Variants in PRKCB observed in about 807,000 individuals in gnomAD.
The protein encoded by PRKCB is protein kinase C beta, also known as protein kinase C beta type.
A neutral mutation model predicts 81.5 loss-of-function variants in PRKCB; 13 were observed. The observed-to-expected ratio is 0.16, with a 90% CI of 0.10 to 0.25. The LOEUF (loss-of-function observed/expected upper bound fraction) is 0.25, where lower values mean the gene tolerates loss of function less well. Ranked by LOEUF, PRKCB falls within the 10% of genes least tolerant of loss-of-function variation. PRKCB has a pLI of 1.00. For missense variants in PRKCB, 509 were observed against 875.7 expected (o/e 0.58, Z 5.29); for synonymous variants, 335 against 321.4 (o/e 1.04, Z -0.45).
intron 3 of PRKCB, among the ~76,000 whole-genome samples, chr16:24,024,367 A>G (rs1003895271): frequency 6.6e-6 from 1 of 152,172 alleles, no homozygotes; most frequent in African/African-American, 2.4e-5. Flanking sequence ...AAAGAGTACA[A>G]TGTTTCGGAT....
chr16:24,035,001 C>T (rs1170523041), intron 4 of PRKCB, among the ~76,000 whole-genome samples: 1 of 152,222 alleles, frequency 6.6e-6, no homozygotes, highest in African/African-American at 2.4e-5. Context: ...GAGATTCCTG[C>T]ATACGTTGAG....
chr16:24,081,402 A>G (rs777076067), intron 5 of PRKCB, among the ~76,000 whole-genome samples: 10 of 152,218 alleles, frequency 6.6e-5, no homozygotes, highest in African/African-American at 1.7e-4. Context: ...CACACTAGAA[A>G]TAGAAGGGAA....
intron 5 of PRKCB, among the ~76,000 whole-genome samples, chr16:24,082,731 T>C (rs953507528): frequency 6.6e-6 from 1 of 151,680 alleles, no homozygotes; most frequent in African/African-American, 2.4e-5. Flanking sequence ...TGGAGCAAAA[T>C]ATAAAGGTAT....
At chr16:24,147,000 C>G (rs1245180466) in intron 9 of PRKCB, among the ~76,000 whole-genome samples, 1 of 152,148 alleles carries the variant, frequency 6.6e-6, no homozygotes, top group Non-Finnish European at 1.5e-5. Flanking sequence ...CTCTTTTCCT[C>G]TCCCATGGCA....
At chr16:23,967,974 T>A (rs1266712629) in intron 2 of PRKCB, among the ~76,000 whole-genome samples, 3 of 152,178 alleles carry the variant, frequency 2.0e-5, no homozygotes, top group Non-Finnish European at 4.4e-5. Flanking sequence ...GTCTTTGAAG[T>A]GCTTGTTTAA....
At chr16:24,019,173 CT>C (rs562397722) in intron 3 of PRKCB, among the ~76,000 whole-genome samples, 340 of 134,316 alleles carry the variant, frequency 2.5e-3, no homozygotes, top group Admixed American at 3.2e-3. Context: ...TTTTTTTTTT[CT>C]TTTTTTTTTT....
Position 24,132,721 on chromosome 16 carries a change from T to TA in PRKCB, c.1065+8743dup, listed in dbSNP as rs905950686. 1.2e-3 allele frequency among the ~76,000 whole-genome samples: 175 copies of TA among 152,020 alleles called. 3 individuals are homozygous for TA. The highest frequency in any genetic ancestry group is 6.8e-3 in the Middle Eastern group (2 of 294). The stretch of plus-strand genomic sequence containing the variant: ...TAACTTGCTGAAGTCACACAGCTAG[T>TA]AAATGGCATTAAACAGATCAGCTTT... On this transcript the variant is annotated intron_variant, in intron 9 of 16. Coordinates refer to ENST00000643927, the MANE Select transcript of PRKCB (RefSeq NM_002738.7).
intron 5 of PRKCB, among the ~76,000 whole-genome samples, chr16:24,091,136 C>G (rs967019124): frequency 6.6e-6 from 1 of 152,016 alleles, no homozygotes; most frequent in Admixed American, 6.6e-5. Context: ...TTGTCTTATT[C>G]CTTACTTTAA....
At chr16:24,208,907 G>A (rs1296973729) in intron 16 of PRKCB, among the ~76,000 whole-genome samples, 7 of 152,138 alleles carry the variant, frequency 4.6e-5, no homozygotes, top group Admixed American at 2.6e-4. Flanking sequence ...GGGAAATCAC[G>A]CTCCCTCTGT....
At chr16:24,140,371 C>T (rs78070970) in intron 9 of PRKCB, among the ~76,000 whole-genome samples, 12 of 152,254 alleles carry the variant, frequency 7.9e-5, no homozygotes, top group Middle Eastern at 3.4e-3. Flanking sequence ...TGTAACCACC[C>T]GGTGGGATCT....
At chr16:23,924,896 C>G (rs1963875768) in intron 2 of PRKCB, among the ~76,000 whole-genome samples, 1 of 152,110 alleles carries the variant, frequency 6.6e-6, no homozygotes, top group African/African-American at 2.4e-5. Flanking sequence ...ACTGCAAAGT[C>G]TCCTTAGACC....
At chr16:24,049,460 C>T (rs1009900061) in intron 5 of PRKCB, among the ~76,000 whole-genome samples, 4 of 137,934 alleles carry the variant, frequency 2.9e-5, no homozygotes, top group Admixed American at 7.3e-5. Context: ...GGACCTGCAC[C>T]GTTAACCACT....
intron 2 of PRKCB, among the ~76,000 whole-genome samples, chr16:23,889,114 TCGTCCATCCATC>T (rs1963248931): frequency 6.9e-6 from 1 of 144,926 alleles, no homozygotes; most frequent in Non-Finnish European, 1.5e-5. Context: ...AGCTGTTCAC[TCGTCCATCCATC>T]CATCCATCCA....
intron 10 of PRKCB, among the ~76,000 whole-genome samples, chr16:24,156,968 T>C (rs1967170614): frequency 1.3e-5 from 2 of 152,162 alleles, no homozygotes; most frequent in South Asian, 2.1e-4. Flanking sequence ...GTTGGATATG[T>C]TGAGAGTGGG....
intron 7 of PRKCB, among the ~76,000 whole-genome samples, chr16:24,110,509 C>CTT (rs777132623): frequency 3.7e-4 from 46 of 125,320 alleles, no homozygotes; most frequent in African/African-American, 1.5e-3. Context: ...CCATGCCCAA[C>CTT]CTTTTTTTTT....
At chr16:24,021,070 C>A (rs371871010) in intron 3 of PRKCB, among the ~76,000 whole-genome samples, 5 of 41,582 alleles carry the variant, frequency 1.2e-4, no homozygotes, top group Admixed American at 9.0e-4. Flanking sequence ...CTCCCTCCCT[C>A]CCTTCTTTCT....
intron 2 of PRKCB, among the ~76,000 whole-genome samples, chr16:23,852,331 AT>A (rs151196689): frequency 2.0e-5 from 3 of 152,070 alleles, no homozygotes; most frequent in Admixed American, 2.0e-4. Context: ...AAGAATGTTA[AT>A]TTTTTTCAAG....
intron 9 of PRKCB, among the ~76,000 whole-genome samples, chr16:24,146,197 C>T (rs888353166): frequency 1.3e-5 from 2 of 152,144 alleles, no homozygotes; most frequent in Non-Finnish European, 2.9e-5. Context: ...AAGGAACCAA[C>T]CCTGCCAGCA....
At position 24,217,208 on chromosome 16, in the gene PRKCB, C is replaced by T; in HGVS notation, c.*2392C>T. 2.0e-6 allele frequency: 2 copies of T among 984,996 alleles called. No individual in the cohort carries two copies. The highest frequency in any genetic ancestry group is 2.4e-6 in the Non-Finnish European group (2 of 829,778). The allele number at this position is 984,996 out of a possible 1,614,324, so 61.0% of individuals were successfully genotyped here. A position where few individuals can be genotyped will look rare whatever the true frequency, so the allele number is the denominator to read the frequency against. ...AATATAGTGTTATAAATACTGCACT[C>T]AACATTTTCCAAATTCTTGCCATTA... On this transcript the variant is annotated 3_prime_UTR_variant, in exon 17 of 17. Transcript: ENST00000643927.
Sources: gnomAD v4.1 joint callset for allele counts (sites outside exome capture counted in the v4.1 genomes callset) on GRCh38, gnomAD v4.1.1 for gene constraint, MANE v1.5 for transcripts, NCBI Gene and HGNC (gene_info 2026-07-23, HGNC 2026-07-21) for gene names.